IL1RAPL1: variants seen among roughly 807,000 people sequenced by gnomAD.
IL1RAPL1 encodes the protein interleukin 1 receptor accessory protein like 1.
In IL1RAPL1, 3 loss-of-function variants were observed where a neutral mutation model predicts 48.4. The observed-to-expected ratio is 0.06, with a 90% confidence interval of 0.03 to 0.16. The LOEUF is 0.16. Among genes scored for constraint, IL1RAPL1 ranks in the 10% least tolerant of loss-of-function variants. IL1RAPL1 has a pLI of 1.00. For missense variants in IL1RAPL1, 349 were observed against 530.6 expected, an observed-to-expected ratio of 0.66 and a Z score of 3.36; for synonymous variants, 185 against 187.7, an observed-to-expected ratio of 0.99 and a Z score of 0.12.
intron 3 of IL1RAPL1, among the ~76,000 whole-genome samples, chrX:29,287,775 G>T (rs938359061): frequency 1.1e-4 from 12 of 111,883 alleles, no homozygotes; most frequent in Non-Finnish European, 2.3e-4. Flanking sequence ...ATTGAATTTT[G>T]AGAATTCTTT....
chrX:29,117,359 T>C (rs763906012), intron 2 of IL1RAPL1, among the ~76,000 whole-genome samples: 76 of 111,675 alleles, frequency 6.8e-4, no homozygotes, highest in African/African-American at 2.3e-3. Flanking sequence ...GTGTTCAGAG[T>C]TTGAAAAATA....
At chrX:28,997,311 T>C (rs946549735) in intron 2 of IL1RAPL1, among the ~76,000 whole-genome samples, 1 of 111,993 alleles carries the variant, frequency 8.9e-6, no homozygotes, top group Non-Finnish European at 1.9e-5. Context: ...AATCATATTC[T>C]TAAGAAAAGT....
intron 6 of IL1RAPL1, among the ~76,000 whole-genome samples, chrX:29,788,448 G>T (rs1180794663): frequency 9.0e-6 from 1 of 111,655 alleles, no homozygotes; most frequent in Non-Finnish European, 1.9e-5. Context: ...AACATTATCT[G>T]CACTCTAATC....
intron 6 of IL1RAPL1, among the ~76,000 whole-genome samples, chrX:29,910,692 T>C (rs1241002150): frequency 1.8e-5 from 2 of 111,875 alleles, no homozygotes; most frequent in Admixed American, 1.9e-4. Context: ...AATTGCATGC[T>C]ACGATCCAAT....
At chrX:29,667,067 C>A (rs957951998) in intron 5 of IL1RAPL1, among the ~76,000 whole-genome samples, 3 of 112,041 alleles carry the variant, frequency 2.7e-5, no homozygotes, top group Non-Finnish European at 5.6e-5. Flanking sequence ...GATATCATAT[C>A]TTTGAGAAGA....
chrX:29,557,664 A>G (rs1201579114), intron 5 of IL1RAPL1, among the ~76,000 whole-genome samples: 2 of 111,389 alleles, frequency 1.8e-5, no homozygotes, highest in East Asian at 5.6e-4. Context: ...TTTGATCAAC[A>G]TCTCCCCATT....
At position 29,407,864 on chromosome X, in the gene IL1RAPL1, A is replaced by G. The variant is rs971516943; in HGVS notation, c.703+8556A>G. Among the ~76,000 whole-genome samples the G allele has an allele frequency of 7.1e-5, 8 of 112,425 alleles. No individual in the cohort carries two copies. The East Asian group carries it at 1.7e-3, about 23-fold the overall frequency. On this transcript the variant is annotated intron_variant, in intron 5 of 10. Coordinates refer to ENST00000378993, the MANE Select transcript of IL1RAPL1 (RefSeq NM_014271.4). ...TTTTCTACTACTTCTACACATTATG[A>G]TTTCTTAAAGATTATAAAATATAAT...
At position 28,602,693 on chromosome X, in the gene IL1RAPL1, T is replaced by C. The variant is rs1185627524; in HGVS notation, c.-25+14646T>C. Among the ~76,000 whole-genome samples, 4 of 112,210 alleles carry C rather than the reference T, an allele frequency of 3.6e-5. No individual in the cohort carries two copies. In the East Asian group the frequency reaches 1.1e-3, roughly 31 times the overall value. On this transcript the variant is annotated intron_variant, in intron 1 of 10. Transcript: ENST00000378993. ...TCTTTGGACTCTTCCAATGTTTTGG[T>C]AGCAAAGATTCAAATATTAGTAAGT...
At chrX:29,502,103 C>T (rs1163419795) in intron 5 of IL1RAPL1, among the ~76,000 whole-genome samples, 3 of 110,760 alleles carry the variant, frequency 2.7e-5, no homozygotes, top group Non-Finnish European at 5.7e-5. Context: ...AATGAGATTT[C>T]TTTCTTGATT....
Position 28,880,445 on chromosome X carries a change from T to G in IL1RAPL1, c.82+91020T>G, listed in dbSNP as rs1243389195. ...CATGCCACTTTTGAATAGCTCTAAT[T>G]GTTAAGAATTTTCTGAACTCAGAAA... On this transcript the variant is annotated intron_variant, in intron 2 of 10. Coordinates refer to ENST00000378993, the MANE Select transcript of IL1RAPL1 (RefSeq NM_014271.4). Among the ~76,000 whole-genome samples, 4 of 112,592 alleles carry G rather than the reference T, an allele frequency of 3.6e-5. No homozygotes were observed. In the Admixed American group the frequency reaches 3.8e-4, roughly 11 times the overall value.
At chrX:29,720,166 T>C (rs745628328) in intron 6 of IL1RAPL1, among the ~76,000 whole-genome samples, 1 of 111,631 alleles carries the variant, frequency 9.0e-6, no homozygotes, top group South Asian at 3.8e-4. Flanking sequence ...GAGTGTAAAT[T>C]AGTTCAACCA....
chrX:29,152,755 G>A (rs1416235079), intron 2 of IL1RAPL1, among the ~76,000 whole-genome samples: 2 of 112,188 alleles, frequency 1.8e-5, no homozygotes, highest in East Asian at 5.6e-4. Flanking sequence ...TGTCAATGTA[G>A]ATTTGTTTCA....
In IL1RAPL1 at chrX:28,955,603, T is replaced by A. The variant is rs549161859; in HGVS notation, c.82+166178T>A. On this transcript the variant is annotated intron_variant, in intron 2 of 10. Coordinates refer to ENST00000378993, the MANE Select transcript of IL1RAPL1 (RefSeq NM_014271.4). ...TCAGATAGTTGTAGATATGCGGCGT[T>A]ATTTCTGAGGGCTCTGTTCTGTTCC... 5.6e-5 allele frequency among the ~76,000 whole-genome samples: 6 copies of A among 107,587 alleles called. No homozygotes were observed. In the South Asian group the frequency reaches 2.1e-3, roughly 38 times the overall value. 93.4% of individuals were successfully genotyped at this position (107,587 alleles called of 115,157 possible).
intron 5 of IL1RAPL1, among the ~76,000 whole-genome samples, chrX:29,603,593 A>C (rs1923797622): frequency 9.0e-6 from 1 of 111,226 alleles, no homozygotes; most frequent in African/African-American, 3.3e-5. Context: ...ACCACCCCCC[A>C]CCACCTCCAC....
intron 5 of IL1RAPL1, among the ~76,000 whole-genome samples, chrX:29,540,626 G>A (rs1409583724): frequency 1.8e-5 from 2 of 111,067 alleles, no homozygotes; most frequent in African/African-American, 3.3e-5. Context: ...AAATAAAGCC[G>A]CATACCTACA....
rs1933135744 is a variant in IL1RAPL1, at chrX:29,941,893, C to A, written c.1201+99C>A. 6.7e-6 allele frequency: 5 copies of A among 741,819 alleles called. No individual in the cohort carries two copies. In the South Asian group the frequency reaches 9.2e-5, roughly 14 times the overall value. The allele number at this position is 741,819 out of a possible 1,213,427, so 61.1% of individuals were successfully genotyped here. On this transcript the variant is annotated intron_variant, in intron 9 of 10. Coordinates refer to ENST00000378993, the MANE Select transcript of IL1RAPL1 (RefSeq NM_014271.4). ...AAAAAATTACGTGCATAATCAATGG[C>A]AGCAGCTCGTATATTCTTTCAGTGC...
chrX:29,134,178 G>A (rs1421102006), intron 2 of IL1RAPL1, among the ~76,000 whole-genome samples: 1 of 111,436 alleles, frequency 9.0e-6, no homozygotes, highest in Non-Finnish European at 1.9e-5. Context: ...AGGTTTTTTT[G>A]TGGCTGTGTT....
intron 1 of IL1RAPL1, among the ~76,000 whole-genome samples, chrX:28,646,777 A>G (rs1018320680): frequency 1.8e-5 from 2 of 112,413 alleles, no homozygotes; most frequent in East Asian, 2.8e-4. Context: ...TGTATTCCCA[A>G]CTGTTACTCC....
intron 1 of IL1RAPL1, among the ~76,000 whole-genome samples, chrX:28,684,848 TG>T (rs750315675): frequency 7.1e-5 from 8 of 112,250 alleles, no homozygotes; most frequent in African/African-American, 1.6e-4. Flanking sequence ...GTGAAACTTG[TG>T]GTTTTAATTT....
Sources: allele counts gnomAD v4.1 joint callset (sites outside exome capture counted in the v4.1 genomes callset), GRCh38; gene constraint gnomAD v4.1.1; transcripts MANE v1.5; gene names NCBI Gene and HGNC (gene_info 2026-07-23, HGNC 2026-07-21).